PAPSS1: variants seen among roughly 807,000 people sequenced by gnomAD.
PAPSS1 encodes 3'-phosphoadenosine 5'-phosphosulfate synthase 1, also known as bifunctional 3'-phosphoadenosine 5'-phosphosulfate synthase 1.
Under a neutral mutation model 72.0 loss-of-function variants are expected in PAPSS1, and 50 were observed. That is an observed-to-expected ratio of 0.69 (90% CI 0.55 to 0.88). The LOEUF (loss-of-function observed/expected upper bound fraction) is 0.88. Among genes scored for constraint, PAPSS1 ranks in the 40% least tolerant of loss-of-function variants. PAPSS1 has a pLI of 0.00. For missense variants in PAPSS1, 657 were observed against 782.2 expected (o/e 0.84, Z 1.91); for synonymous variants, 261 against 263.6 (o/e 0.99, Z 0.09).
chr4:107,658,360 A>C (rs994034592), intron 6 of PAPSS1, among the ~76,000 whole-genome samples: 1 of 148,754 alleles, frequency 6.7e-6, no homozygotes, highest in African/African-American at 2.6e-5. Context: ...ATTTAAAAAA[A>C]AAAAAAAAGA....
At chr4:107,634,873 G>C (rs978985075) in intron 10 of PAPSS1, among the ~76,000 whole-genome samples, 15 of 142,454 alleles carry the variant, frequency 1.1e-4, no homozygotes, top group East Asian at 8.0e-4. Flanking sequence ...TCTCGGCTCA[G>C]TGCAAGCTCC....
intron 5 of PAPSS1, among the ~76,000 whole-genome samples, chr4:107,680,131 G>T (rs527373681): frequency 6.6e-6 from 1 of 151,716 alleles, no homozygotes; most frequent in East Asian, 1.9e-4. Context: ...GAGTGAAAAA[G>T]GCAAAAGAAA....
intron 11 of PAPSS1, among the ~76,000 whole-genome samples, chr4:107,622,367 T>C (rs1477584499): frequency 1.3e-5 from 2 of 152,218 alleles, no homozygotes; most frequent in South Asian, 4.1e-4. Flanking sequence ...GAGCAGCATA[T>C]AGGTATTGCT....
At chr4:107,629,420 G>A (rs1118696) in intron 11 of PAPSS1, among the ~76,000 whole-genome samples, 36,826 of 152,066 alleles carry the variant, frequency 0.24, 4,497 homozygotes, top group East Asian at 0.37. Flanking sequence ...TGATAGTAGA[G>A]ACAAAAGCCA....
chr4:107,719,296 C>T lies in PAPSS1; in HGVS notation c.60+824G>A, dbSNP rs553071509. On this transcript the variant is annotated intron_variant, in intron 1 of 11. Coordinates refer to ENST00000265174, the MANE Select transcript of PAPSS1 (RefSeq NM_005443.5). Reference sequence around the variant, plus strand: ...AATAACGTTTCCGTCTAAACTTAAACCAGTGCCTTTCCAGACTCCAAAGAT... The same window carrying T: ...AATAACGTTTCCGTCTAAACTTAAATCAGTGCCTTTCCAGACTCCAAAGAT... Among the ~76,000 whole-genome samples, 6 of 151,686 alleles carry T rather than the reference C, an allele frequency of 4.0e-5. No homozygotes were observed. In the East Asian group the frequency reaches 1.2e-3, roughly 29 times the overall value.
At chr4:107,677,110 A>T (rs1033712409) in intron 5 of PAPSS1, among the ~76,000 whole-genome samples, 3 of 152,240 alleles carry the variant, frequency 2.0e-5, no homozygotes, top group African/African-American at 7.2e-5. Flanking sequence ...AATACCATTC[A>T]GGACATAGGC....
chr4:107,662,720 A>T (rs1041352890), intron 5 of PAPSS1, among the ~76,000 whole-genome samples: 1 of 152,124 alleles, frequency 6.6e-6, no homozygotes. Flanking sequence ...AATCTGGGAG[A>T]TTCTCTTTAT....
At chr4:107,695,756 T>C (rs1184078996) in intron 2 of PAPSS1, among the ~76,000 whole-genome samples, 2 of 152,238 alleles carry the variant, frequency 1.3e-5, no homozygotes, top group Non-Finnish European at 2.9e-5. Flanking sequence ...ATGTGGTTTT[T>C]GTTATTGGTT....
At chr4:107,667,351 T>TAGTA (rs1365430701) in intron 5 of PAPSS1, among the ~76,000 whole-genome samples, 1 of 152,080 alleles carries the variant, frequency 6.6e-6, no homozygotes, top group Non-Finnish European at 1.5e-5. Context: ...ATAAAGCACT[T>TAGTA]TACTGAGTTC....
chr4:107,644,905 C>A lies in PAPSS1; in HGVS notation c.1403G>T (p.Arg468Leu). The change falls in exon 10 of 12, where the codon CGT becomes CTT. Residue 468 changes from arginine to leucine, a missense_variant. Transcript: ENST00000265174. ...CAACACTGCAGCATGCTGCTTCATA[C>A]GCCACATCAAAGGAACATCGTCATC... ...TKDDDVPLMWRMKQHAAVLEE... is the reference protein window; with the variant it reads ...TKDDDVPLMWLMKQHAAVLEE... 1 of 1,613,976 alleles carries A rather than the reference C, an allele frequency of 6.2e-7. No individual in the cohort carries two copies. The highest frequency in any genetic ancestry group is 8.5e-7 in the Non-Finnish European group (1 of 1,179,914).
intron 5 of PAPSS1, among the ~76,000 whole-genome samples, chr4:107,677,231 C>T (rs2110333617): frequency 6.6e-6 from 1 of 152,206 alleles, no homozygotes; most frequent in Admixed American, 6.5e-5. Context: ...AAGAAACTAC[C>T]ATCAGAGTGA....
intron 10 of PAPSS1, among the ~76,000 whole-genome samples, chr4:107,643,466 C>T (rs906540196): frequency 1.3e-5 from 2 of 152,226 alleles, no homozygotes; most frequent in African/African-American, 2.4e-5. Context: ...TGAGACTGAA[C>T]TGTAGCTCGA....
intron 11 of PAPSS1, among the ~76,000 whole-genome samples, chr4:107,620,234 T>TA (rs1411486680): frequency 1.3e-5 from 2 of 152,234 alleles, no homozygotes; most frequent in East Asian, 3.8e-4. Flanking sequence ...ATAATAGTGG[T>TA]AACTTATAAG....
chr4:107,652,979 T>C (rs891988550), intron 9 of PAPSS1, among the ~76,000 whole-genome samples: 1 of 151,856 alleles, frequency 6.6e-6, no homozygotes, highest in Non-Finnish European at 1.5e-5. Context: ...CTGTGACACA[T>C]CACCAAATAC....
intron 5 of PAPSS1, among the ~76,000 whole-genome samples, chr4:107,661,270 A>G (rs1015802857): frequency 1.3e-5 from 2 of 152,212 alleles, no homozygotes; most frequent in Admixed American, 1.3e-4. Context: ...AAAATGGTAC[A>G]GCTACTTTGG....
chr4:107,625,911 GTGGCTCATGCC>G (rs1452732336), intron 11 of PAPSS1, among the ~76,000 whole-genome samples: 1 of 152,068 alleles, frequency 6.6e-6, no homozygotes, highest in Non-Finnish European at 1.5e-5. Context: ...GCCGGGCGCG[GTGGCTCATGCC>G]TGTAATCCCA....
Position 107,654,812 on chromosome 4 carries a change from C to G in PAPSS1, c.984G>C (p.Leu328=). ...TGGCCACACGGCGGCCCTCATACAT[C>G]AGAGCAAATGCTGTACAGCCGTCCA... ...ERLDGCTAFA[L]MYEGRRVAIL... The change falls in exon 8 of 12, where the codon CTG becomes CTC. Residue 328 remains leucine, a synonymous_variant. Coordinates refer to ENST00000265174, the MANE Select transcript of PAPSS1 (RefSeq NM_005443.5). 1.2e-6 allele frequency: 2 copies of G among 1,613,966 alleles called. No homozygotes were observed. The highest frequency in any genetic ancestry group is 3.3e-4 in the Middle Eastern group (2 of 6,058).
In PAPSS1 at chr4:107,674,035, C is replaced by G. The variant is rs971274404; in HGVS notation, c.669+7980G>C. Among the ~76,000 whole-genome samples, 9 of 148,708 alleles carry G rather than the reference C, an allele frequency of 6.1e-5. No homozygotes were observed. The East Asian group carries it at 8.4e-4, about 14-fold the overall frequency. On this transcript the variant is annotated intron_variant, in intron 5 of 11. Transcript: ENST00000265174. ...CACCACCAGGCCTGCCCTAAAAGAG[C>G]TTCTGAAGGAAGCAGTAAACATAGA...
chr4:107,667,503 A>G (rs1274116540), intron 5 of PAPSS1, among the ~76,000 whole-genome samples: 1 of 152,178 alleles, frequency 6.6e-6, no homozygotes, highest in Non-Finnish European at 1.5e-5. Flanking sequence ...AGGGCAGTGT[A>G]TAGGAGTGAG....
Sources: allele counts gnomAD v4.1 joint callset (sites outside exome capture counted in the v4.1 genomes callset), GRCh38; gene constraint gnomAD v4.1.1; transcripts MANE v1.5; gene names NCBI Gene and HGNC (gene_info 2026-07-23, HGNC 2026-07-21).